The following NIPBL variants were observed in gnomAD, a reference collection of about 807,000 sequenced individuals.
NIPBL encodes the protein NIPBL cohesin loading factor, also known as nipped-B-like protein.
In NIPBL, 19 loss-of-function variants were observed where a neutral mutation model predicts 321.8. The observed-to-expected ratio is 0.06, with a 90% CI of 0.04 to 0.09. The LOEUF (loss-of-function observed/expected upper bound fraction) is 0.09, where lower values mean the gene tolerates loss of function less well. NIPBL is among the 10% of genes least tolerant of loss of function. The pLI, the probability that NIPBL is intolerant of heterozygous loss-of-function variation, is 1.00. For synonymous variants in NIPBL, 1,106 were observed against 1,114.1 expected, an observed-to-expected ratio of 0.99 and a Z score of 0.14; for missense variants, 2,210 against 3,327.0, an observed-to-expected ratio of 0.66 and a Z score of 8.26.
intron 1 of NIPBL, among the ~76,000 whole-genome samples, chr5:36,894,381 A>C (rs1271364305): frequency 1.3e-5 from 2 of 152,168 alleles, no homozygotes; most frequent in Non-Finnish European, 2.9e-5. Context: ...ACCTTTGTCT[A>C]ATATCTAAAG....
Position 37,000,685 on chromosome 5 carries a change from A to AGTG in NIPBL, c.3502+115_3502+116insGTG. ...TTAATAACTAATTTTCAATTAAGACAAAAATACTTAGTTTCTATGTGCAGT... is the reference window on the plus strand; with the variant it reads ...TTAATAACTAATTTTCAATTAAGACAGTGAAAATACTTAGTTTCTATGTGCAGT... On this transcript the variant is annotated intron_variant, in intron 12 of 46. Transcript: ENST00000282516. 7 of 1,315,750 alleles carry AGTG rather than the reference A, an allele frequency of 5.3e-6. No homozygotes were observed. The South Asian group carries it at 7.6e-5, about 14-fold the overall frequency. 81.5% of individuals were successfully genotyped at this position (1,315,750 alleles called of 1,614,324 possible). A position where few individuals can be genotyped will look rare whatever the true frequency, so the allele number is the denominator to read the frequency against.
chr5:36,894,700 C>T (rs1223766382), intron 1 of NIPBL, among the ~76,000 whole-genome samples: 1 of 152,200 alleles, frequency 6.6e-6, no homozygotes, highest in Non-Finnish European at 1.5e-5. Flanking sequence ...TATTTTCAAG[C>T]TTAAAATCCT....
At chr5:37,039,585 ATAAG>A (rs1752104983) in intron 34 of NIPBL, among the ~76,000 whole-genome samples, 1 of 152,104 alleles carries the variant, frequency 6.6e-6, no homozygotes, top group Non-Finnish European at 1.5e-5. Context: ...CTTAAAGAGT[ATAAG>A]TAACTGCTAA....
rs554120139 is a variant in NIPBL, at chr5:36,907,602, A to G, written c.-80+30424A>G. 4.6e-5 allele frequency among the ~76,000 whole-genome samples: 7 copies of G among 152,316 alleles called. No individual in the cohort carries two copies. In the East Asian group the frequency reaches 1.3e-3, roughly 29 times the overall value. ...ATATGACTGAAACTAAAATGTATTT[A>G]CTTAGAAAAGACCAGAAGAAAATGT... On this transcript the variant is annotated intron_variant, in intron 1 of 46. Transcript: ENST00000282516.
intron 9 of NIPBL, among the ~76,000 whole-genome samples, chr5:36,979,236 ATTTG>A: frequency 6.6e-6 from 1 of 151,630 alleles, no homozygotes; most frequent in East Asian, 1.9e-4. Context: ...AATGTTTTTG[ATTTG>A]TTTGTGTTAT....
chr5:36,958,904 A>G (rs1038300820), intron 4 of NIPBL, among the ~76,000 whole-genome samples: 1 of 152,260 alleles, frequency 6.6e-6, no homozygotes, highest in East Asian at 1.9e-4. Flanking sequence ...TAATTAAATA[A>G]TTGTATTTAA....
At chr5:36,925,689 T>C (rs1277363978) in intron 1 of NIPBL, among the ~76,000 whole-genome samples, 1 of 152,228 alleles carries the variant, frequency 6.6e-6, no homozygotes, top group Non-Finnish European at 1.5e-5. Flanking sequence ...GGCAGAATTA[T>C]AATTAAAAAC....
intron 1 of NIPBL, chr5:36,885,357 C>T (rs1745813743): frequency 2.1e-6 from 1 of 466,124 alleles, no homozygotes; most frequent in Non-Finnish European, 4.2e-6. Flanking sequence ...GTGTCCTGTT[C>T]CACCAGCTTC....
chr5:37,047,789 A>G (rs564816043), intron 38 of NIPBL, among the ~76,000 whole-genome samples: 1 of 152,310 alleles, frequency 6.6e-6, no homozygotes, highest in South Asian at 2.1e-4. Context: ...GTTACCAATA[A>G]TACTTGCTAT....
intron 21 of NIPBL, among the ~76,000 whole-genome samples, chr5:37,012,456 ATTTTTTTTTT>A (rs763144789): frequency 1.9e-5 from 2 of 107,210 alleles, no homozygotes; most frequent in Non-Finnish European, 3.7e-5. Context: ...TCTTTCTCCA[ATTTTTTTTTT>A]TTTTTTTTTT....
chr5:37,047,585 C>T (rs542324930), intron 38 of NIPBL, among the ~76,000 whole-genome samples: 9 of 152,274 alleles, frequency 5.9e-5, no homozygotes, highest in South Asian at 4.2e-4. Flanking sequence ...ATAATTTATA[C>T]GGAGTGGCAA....
chr5:37,022,945 G>A (rs141243789), intron 29 of NIPBL, among the ~76,000 whole-genome samples: 49 of 152,278 alleles, frequency 3.2e-4, no homozygotes, highest in African/African-American at 9.1e-4. Flanking sequence ...TGGCTCTGAA[G>A]CATTTTTCTG....
At chr5:37,037,183 T>G (rs960434668) in intron 33 of NIPBL, among the ~76,000 whole-genome samples, 28 of 151,306 alleles carry the variant, frequency 1.9e-4, no homozygotes, top group African/African-American at 6.5e-4. Flanking sequence ...GTCAGGAGAT[T>G]GAGACCATCC....
At chr5:36,956,285 A>C (rs1373791720) in intron 3 of NIPBL, among the ~76,000 whole-genome samples, 1 of 152,058 alleles carries the variant, frequency 6.6e-6, no homozygotes, top group Non-Finnish European at 1.5e-5. Context: ...TACAAACAAC[A>C]CAAAAATGTG....
At chr5:37,055,656 T>C (rs754916059) in intron 42 of NIPBL, among the ~76,000 whole-genome samples, 8 of 151,518 alleles carry the variant, frequency 5.3e-5, no homozygotes, top group Non-Finnish European at 8.8e-5. Flanking sequence ...AAGTGAAAAA[T>C]AGAGTAGAAT....
chr5:37,039,551 G>C (rs1251902461), intron 34 of NIPBL, among the ~76,000 whole-genome samples: 1 of 151,980 alleles, frequency 6.6e-6, no homozygotes, highest in Non-Finnish European at 1.5e-5. Context: ...TATTATCTCT[G>C]TTTTACAGAT....
chr5:36,971,957 T>C lies in NIPBL; in HGVS notation c.784T>C (p.Ser262Pro), dbSNP rs1189395668. 5 of 1,612,920 alleles carry C rather than the reference T, an allele frequency of 3.1e-6. No individual in the cohort carries two copies. Among genetic ancestry groups the C allele is most frequent in the Non-Finnish European group, 4.2e-6 (5 of 1,179,210 alleles). Reference protein sequence around the residue: ...HRLSSDDGDSSTMRNAASFPL... With the variant: ...HRLSSDDGDSPTMRNAASFPL... The stretch of plus-strand genomic sequence containing the variant: ...ACTCTATTTTTAGGATGGAGATTCT[T>C]CAACAATGAGGAATGCTGCATCTTT... The change falls in exon 8 of 47, where the codon TCA (serine) becomes CCA (proline). Residue 262 changes from serine to proline, a missense_variant. Physicochemically the swap from Ser to Pro is moderately conservative, Grantham distance 74. Around this residue, in one of 14 missense-constraint regions of NIPBL, gnomAD observed 464 missense variants for 529.5 expected, o/e 0.88. Coordinates refer to ENST00000282516, the MANE Select transcript of NIPBL (RefSeq NM_133433.4).
intron 5 of NIPBL, 52 bp downstream of exon 5, chr5:36,961,635 C>T: frequency 1.8e-6 from 2 of 1,087,684 alleles, no homozygotes; most frequent in South Asian, 1.2e-5. Flanking sequence ...GGTGAATATG[C>T]TGGTGAATAT....
At chr5:36,942,188 T>TCC (rs1739159756) in intron 1 of NIPBL, among the ~76,000 whole-genome samples, 1 of 151,978 alleles carries the variant, frequency 6.6e-6, no homozygotes, top group African/African-American at 2.4e-5. Context: ...ATCCCAGCTC[T>TCC]TTGGGAGGCG....
Sources: allele counts gnomAD v4.1 joint callset (sites outside exome capture counted in the v4.1 genomes callset), GRCh38; gene constraint gnomAD v4.1.1; regional missense constraint gnomAD v4.1.1; transcripts MANE v1.5; gene names NCBI Gene and HGNC (gene_info 2026-07-23, HGNC 2026-07-21).